Variants in CA10 observed in about 807,000 individuals in gnomAD.
CA10 encodes carbonic anhydrase 10 (inactive).
A neutral mutation model predicts 44.2 loss-of-function variants in CA10; 14 were observed. The ratio of observed to expected loss-of-function variants is 0.32; its 90% CI spans 0.21 to 0.50. The LOEUF (loss-of-function observed/expected upper bound fraction) is 0.50, where lower values mean the gene tolerates loss of function less well. Among genes scored for constraint, CA10 ranks in the 20% least tolerant of loss-of-function variants. The probability of loss-of-function intolerance (pLI) is 0.99; values close to 1 mark genes in which losing one functional copy is unlikely to be tolerated. For synonymous variants in CA10, 159 were observed against 141.6 expected, an observed-to-expected ratio of 1.12 and a Z score of -0.87; for missense variants, 350 against 409.7, an observed-to-expected ratio of 0.85 and a Z score of 1.26.
chr17:51,632,397 A>C (rs1402749099), intron 8 of CA10, among the ~76,000 whole-genome samples: 1 of 152,162 alleles, frequency 6.6e-6, no homozygotes, highest in Non-Finnish European at 1.5e-5. Context: ...GAAAATATGT[A>C]GTTTGGGCAT....
At chr17:52,079,273 G>A (rs1229773702) in intron 1 of CA10, among the ~76,000 whole-genome samples, 2 of 151,956 alleles carry the variant, frequency 1.3e-5, no homozygotes, top group Non-Finnish European at 2.9e-5. Context: ...GCGACAGAGC[G>A]AAACTCCGTC....
At chr17:51,769,450 T>C (rs1222357072) in intron 3 of CA10, among the ~76,000 whole-genome samples, 3 of 152,086 alleles carry the variant, frequency 2.0e-5, no homozygotes, top group African/African-American at 7.2e-5. Context: ...GTGAAATATG[T>C]AGAGGAAGTT....
At chr17:51,656,101 C>T (rs1261311745) in intron 4 of CA10, among the ~76,000 whole-genome samples, 4 of 152,198 alleles carry the variant, frequency 2.6e-5, no homozygotes, top group Non-Finnish European at 5.9e-5. Flanking sequence ...CTAATGAGAA[C>T]AAAACACACC....
rs374052018 is a variant in CA10, at chr17:51,689,780, AATTT to A, written c.466-36048_466-36045del. Among the ~76,000 whole-genome samples the A allele has an allele frequency of 4.6e-3, 701 of 152,140 alleles. 4 individuals are homozygous for A. Among genetic ancestry groups the A allele is most frequent in the African/African-American group, 0.016 (677 of 41,486 alleles). The stretch of plus-strand genomic sequence containing the variant: ...TTTCTTCCTTCCTTTAGCATTTTAA[AATTT>A]ATTTATATTTTTAACTGACAAATGA... On this transcript the variant is annotated intron_variant, in intron 4 of 8. Coordinates refer to ENST00000451037, the MANE Select transcript of CA10 (RefSeq NM_020178.5).
chr17:51,950,440 G>A (rs1190731453), intron 2 of CA10, among the ~76,000 whole-genome samples: 2 of 152,128 alleles, frequency 1.3e-5, no homozygotes, highest in Non-Finnish European at 2.9e-5. Context: ...CACTCGCAGG[G>A]AACTGGAGGG....
chr17:52,089,889 G>C (rs1274110814), intron 1 of CA10, among the ~76,000 whole-genome samples: 2 of 151,962 alleles, frequency 1.3e-5, no homozygotes, highest in South Asian at 2.1e-4. Context: ...ATTTGGAAAG[G>C]ATACACAGAT....
At chr17:51,896,961 T>C (rs995114217) in intron 3 of CA10, among the ~76,000 whole-genome samples, 1 of 152,124 alleles carries the variant, frequency 6.6e-6, no homozygotes, top group African/African-American at 2.4e-5. Context: ...TTGTAGATGC[T>C]GGGAATTAGA....
At chr17:51,933,504 A>G (rs1982744675) in intron 2 of CA10, among the ~76,000 whole-genome samples, 7 of 152,112 alleles carry the variant, frequency 4.6e-5, no homozygotes, top group Admixed American at 3.9e-4. Flanking sequence ...TGTAAGGAAT[A>G]TAGGCCTGCT....
intron 3 of CA10, among the ~76,000 whole-genome samples, chr17:51,834,825 C>A (rs1908416771): frequency 6.6e-6 from 1 of 152,174 alleles, no homozygotes; most frequent in African/African-American, 2.4e-5. Context: ...TAAAGATACT[C>A]ATTAGTGGGG....
intron 3 of CA10, among the ~76,000 whole-genome samples, chr17:51,831,714 G>T (rs1174257633): frequency 1.8e-5 from 2 of 108,598 alleles, no homozygotes; most frequent in African/African-American, 3.1e-5. Context: ...AGCAGCAGCA[G>T]CAGCAGCAGC....
At chr17:52,054,527 CAT>C (rs1987169687) in intron 2 of CA10, among the ~76,000 whole-genome samples, 1 of 152,102 alleles carries the variant, frequency 6.6e-6, no homozygotes, top group African/African-American at 2.4e-5. Context: ...CCTTGTAAAA[CAT>C]GTGATCTCTG....
At chr17:51,858,367 A>C (rs1979146278) in intron 3 of CA10, among the ~76,000 whole-genome samples, 1 of 152,140 alleles carries the variant, frequency 6.6e-6, no homozygotes, top group South Asian at 2.1e-4. Flanking sequence ...AACGAGGAAA[A>C]TGTGCCCGTG....
chr17:51,812,633 T>C (rs1907415689), intron 3 of CA10, among the ~76,000 whole-genome samples: 1 of 152,246 alleles, frequency 6.6e-6, no homozygotes, highest in African/African-American at 2.4e-5. Flanking sequence ...AGGTAATTGA[T>C]GGAGAAGGAA....
chr17:51,893,014 A>C (rs1446297259), intron 3 of CA10, among the ~76,000 whole-genome samples: 2 of 152,158 alleles, frequency 1.3e-5, no homozygotes, highest in Non-Finnish European at 2.9e-5. Flanking sequence ...AGTTTATAAA[A>C]GCACTTGGTA....
chr17:51,688,329 G>A (rs892724746), intron 4 of CA10, among the ~76,000 whole-genome samples: 11 of 152,192 alleles, frequency 7.2e-5, no homozygotes, highest in African/African-American at 2.7e-4. Context: ...TGTTTTTTAA[G>A]TCATTACATT....
intron 1 of CA10, 112 bp downstream of exon 1, chr17:52,157,614 A>T (rs888986920): frequency 3.2e-6 from 3 of 948,162 alleles, no homozygotes; most frequent in Non-Finnish European, 1.7e-6. Flanking sequence ...GCAGAACTCA[A>T]AGGGTCTCGC....
Position 51,630,685 on chromosome 17 carries a change from G to A in CA10, c.*899C>T, listed in dbSNP as rs1201436176. On this transcript the variant is annotated 3_prime_UTR_variant, in exon 9 of 9. Coordinates refer to ENST00000451037, the MANE Select transcript of CA10 (RefSeq NM_020178.5). ...CAAATGAACAAAACATGTAGATGAAGGAACAAGTGAAATCAAAGAATGCAG... is the reference window on the plus strand; with the variant it reads ...CAAATGAACAAAACATGTAGATGAAAGAACAAGTGAAATCAAAGAATGCAG... 4 of 152,566 alleles carry A rather than the reference G, an allele frequency of 2.6e-5. No homozygotes were observed. The highest frequency in any genetic ancestry group is 2.6e-4 in the Admixed American group (4 of 15,276). The allele number at this position is 152,566 out of a possible 1,614,324, so 9.5% of individuals were successfully genotyped here.
At chr17:52,125,044 C>G (rs1989090240) in intron 1 of CA10, among the ~76,000 whole-genome samples, 1 of 152,230 alleles carries the variant, frequency 6.6e-6, no homozygotes. Context: ...CTGTCTGTCT[C>G]TCCTCACAGC....
intron 1 of CA10, among the ~76,000 whole-genome samples, chr17:52,094,435 G>A (rs924856804): frequency 6.6e-6 from 1 of 152,020 alleles, no homozygotes; most frequent in Admixed American, 6.6e-5. Flanking sequence ...TCGTTAGCAG[G>A]ACACTAGGGG....
Sources: allele counts gnomAD v4.1 joint callset (sites outside exome capture counted in the v4.1 genomes callset), GRCh38; gene constraint gnomAD v4.1.1; transcripts MANE v1.5; gene names NCBI Gene and HGNC (gene_info 2026-07-23, HGNC 2026-07-21).